PCDH17: variants seen among roughly 807,000 people sequenced by gnomAD.
PCDH17 encodes protocadherin 17.
In PCDH17, 21 loss-of-function variants were observed where a neutral mutation model predicts 67.7. The observed-to-expected ratio is 0.31, with a 90% CI of 0.22 to 0.45. The LOEUF (loss-of-function observed/expected upper bound fraction) is 0.45, where lower values mean the gene tolerates loss of function less well. Among genes scored for constraint, PCDH17 ranks in the 20% least tolerant of loss-of-function variants. PCDH17 has a pLI of 1.00. For synonymous variants in PCDH17, 701 were observed against 656.7 expected, an observed-to-expected ratio of 1.07 and a Z score of -1.03; for missense variants, 1,471 against 1,564.8, an observed-to-expected ratio of 0.94 and a Z score of 1.01.
At chr13:57,723,815 TAG>T (rs1227158967) in intron 3 of PCDH17, among the ~76,000 whole-genome samples, 4 of 152,176 alleles carry the variant, frequency 2.6e-5, no homozygotes, top group African/African-American at 7.2e-5. Context: ...ATGCTTTATT[TAG>T]AGTCTCTATT....
chr13:57,653,662 G>A (rs1955068886), intron 1 of PCDH17, among the ~76,000 whole-genome samples: 1 of 152,112 alleles, frequency 6.6e-6, no homozygotes, highest in Non-Finnish European at 1.5e-5. Flanking sequence ...TATAAAATAG[G>A]TGAGGAAGTA....
intron 3 of PCDH17, among the ~76,000 whole-genome samples, chr13:57,707,461 A>G (rs1209231787): frequency 6.6e-6 from 1 of 151,674 alleles, no homozygotes; most frequent in Non-Finnish European, 1.5e-5. Flanking sequence ...TTCCTTCAAT[A>G]GTATATTCAA....
chr13:57,644,447 A>G (rs1954940968), intron 1 of PCDH17, among the ~76,000 whole-genome samples: 1 of 151,572 alleles, frequency 6.6e-6, no homozygotes, highest in East Asian at 1.9e-4. Flanking sequence ...CAAGACAATT[A>G]CATAGTAATT....
At chr13:57,688,701 T>C (rs1288773286) in intron 3 of PCDH17, among the ~76,000 whole-genome samples, 1 of 152,072 alleles carries the variant, frequency 6.6e-6, no homozygotes, top group Non-Finnish European at 1.5e-5. Context: ...TTGTAATGAA[T>C]GTAAGATCAG....
chr13:57,709,446 T>C (rs1312425835), intron 3 of PCDH17, among the ~76,000 whole-genome samples: 1 of 151,790 alleles, frequency 6.6e-6, no homozygotes, highest in African/African-American at 2.4e-5. Context: ...ACTGTTTTCA[T>C]CTCATCTAAA....
At chr13:57,713,878 AC>A (rs551124324) in intron 3 of PCDH17, among the ~76,000 whole-genome samples, 8 of 151,590 alleles carry the variant, frequency 5.3e-5, no homozygotes, top group African/African-American at 1.4e-4. Flanking sequence ...CTTTAAAAAA[AC>A]CTTTTGTATT....
At chr13:57,656,405 A>G (rs927047923) in intron 1 of PCDH17, among the ~76,000 whole-genome samples, 1 of 152,142 alleles carries the variant, frequency 6.6e-6, no homozygotes, top group Non-Finnish European at 1.5e-5. Context: ...TGTATCTACC[A>G]TAAGACTCAG....
In PCDH17 at chr13:57,633,206, G is replaced by A; in HGVS notation, c.660G>A (p.Glu220=). 1.9e-6 allele frequency: 3 copies of A among 1,613,164 alleles called. No individual in the cohort carries two copies. The highest frequency in any genetic ancestry group is 2.5e-6 in the Non-Finnish European group (3 of 1,179,968). The change falls in exon 1 of 4, where the codon GAG becomes GAA. Residue 220 remains glutamate (E), a synonymous_variant. Coordinates refer to ENST00000377918, the MANE Select transcript of PCDH17 (RefSeq NM_001040429.3). The surrounding 1 kb of genome is among the most constrained non-coding windows in gnomAD (Gnocchi z 6.2). ...TGCTGACTGCCCTGGACGGTGGCGA[G>A]CCTCCACGTTCCGCCACCGTACAGA... The part of the protein sequence containing the change: ...TLVLTALDGG[E]PPRSATVQIN...
At position 57,724,722 on chromosome 13, in the gene PCDH17, C is replaced by T. The variant is rs570788884; in HGVS notation, c.2908C>T (p.Arg970Cys). 8 of 1,613,942 alleles carry T rather than the reference C, an allele frequency of 5.0e-6. No homozygotes were observed. The highest frequency in any genetic ancestry group is 3.3e-5 in the South Asian group (3 of 91,078). The change falls in exon 4 of 4, where the codon CGC becomes TGC. Residue 970 changes from arginine (R) to cysteine (C), a missense_variant. Coordinates refer to ENST00000377918, the MANE Select transcript of PCDH17 (RefSeq NM_001040429.3). ...AANQAENADY[R>C]TNLFVPTVEA... ...CAATCAGGCTGAAAATGCAGATTAC[C>T]GCACAAATCTCTTTGTACCTACAGT...
In PCDH17 at chr13:57,633,230, G is replaced by A. The variant is rs563825436; in HGVS notation, c.684G>A (p.Gln228=). The change falls in exon 1 of 4, where the codon CAG becomes CAA. Residue 228 remains glutamine, a synonymous_variant. Coordinates refer to ENST00000377918, the MANE Select transcript of PCDH17 (RefSeq NM_001040429.3). This position sits in a 1 kb window ranked among gnomAD's most constrained non-coding sequence, Gnocchi z 6.2. ...AGCCTCCACGTTCCGCCACCGTACA[G>A]ATCAACGTGAAGGTGATTGACTCCA... ...GGEPPRSATV[Q]INVKVIDSND... 3.7e-6 allele frequency: 6 copies of A among 1,613,376 alleles called. No individual in the cohort carries two copies. In the South Asian group the frequency reaches 6.6e-5, roughly 18 times the overall value.
intron 3 of PCDH17, among the ~76,000 whole-genome samples, chr13:57,704,981 C>A (rs1449390568): frequency 6.6e-6 from 1 of 151,878 alleles, no homozygotes; most frequent in Non-Finnish European, 1.5e-5. Flanking sequence ...TGTAGAATTT[C>A]TTTAGCATCC....
At chr13:57,678,883 C>T (rs1201358231) in intron 3 of PCDH17, among the ~76,000 whole-genome samples, 1 of 151,412 alleles carries the variant, frequency 6.6e-6, no homozygotes, top group Non-Finnish European at 1.5e-5. Context: ...GATATTTAGG[C>T]ATATAATTCT....
chr13:57,704,039 GA>G (rs1318514908), intron 3 of PCDH17, among the ~76,000 whole-genome samples: 1 of 151,970 alleles, frequency 6.6e-6, no homozygotes, highest in East Asian at 1.9e-4. Flanking sequence ...GAAAGTCACA[GA>G]AAAAAATTTA....
At chr13:57,666,551 T>G in intron 2 of PCDH17, 25 bp downstream of exon 2, 1 of 1,612,416 alleles carries the variant, frequency 6.2e-7, no homozygotes, top group South Asian at 1.1e-5. Flanking sequence ...ATAACTTTTC[T>G]CAGCTTCCCC....
chr13:57,666,649 T>C lies in PCDH17; in HGVS notation c.2625-12T>C, dbSNP rs558830627. 3 of 1,609,590 alleles carry C rather than the reference T, an allele frequency of 1.9e-6. No homozygotes were observed. The South Asian group carries it at 3.3e-5, about 18-fold the overall frequency. Reference sequence around the variant, plus strand: ...CAACACTTTCTCTTCTTTTTCTTTATATGTATTTCAGTAGCTCCACGTTTA... The same window carrying C: ...CAACACTTTCTCTTCTTTTTCTTTACATGTATTTCAGTAGCTCCACGTTTA... On this transcript the variant is annotated splice_polypyrimidine_tract_variant and intron_variant, in intron 2 of 3. Coordinates refer to ENST00000377918, the MANE Select transcript of PCDH17 (RefSeq NM_001040429.3).
chr13:57,698,928 G>GA (rs1006554409), intron 3 of PCDH17, among the ~76,000 whole-genome samples: 10 of 151,422 alleles, frequency 6.6e-5, no homozygotes, highest in African/African-American at 9.7e-5. Context: ...AGGAAAAGGA[G>GA]AAAAAAAACA....
Position 57,725,134 on chromosome 13 carries a change from C to G in PCDH17, c.3320C>G (p.Ala1107Gly), listed in dbSNP as rs748094193. The part of the protein sequence containing the change: ...ARVFADVHSR[A>G]SRDSSEMGAV... ...GTCTTTGCAGATGTGCATTCCAGAG[C>G]CAGCCGGGATTCCAGTGAGATGGGT... is the stretch of plus-strand genomic sequence containing the variant. The change falls in exon 4 of 4, where the codon GCC becomes GGC. Residue 1107 changes from alanine (A) to glycine (G), a missense_variant. Around this residue, in one of 3 missense-constraint regions of PCDH17, gnomAD observed 297 missense variants for 298.6 expected, o/e 0.99. Coordinates refer to ENST00000377918, the MANE Select transcript of PCDH17 (RefSeq NM_001040429.3). 8 of 1,614,036 alleles carry G rather than the reference C, an allele frequency of 5.0e-6. No individual in the cohort carries two copies. The highest frequency in any genetic ancestry group is 1.3e-5 in the African/African-American group (1 of 74,936).
Position 57,633,304 on chromosome 13 carries a change from C to T in PCDH17, c.758C>T (p.Pro253Leu). 6.2e-7 allele frequency: 1 copy of T among 1,613,280 alleles called. No individual in the cohort carries two copies. The highest frequency in any genetic ancestry group is 8.5e-7 in the Non-Finnish European group (1 of 1,180,012). ...GCGCCATCCTACTTGGTGGAACTGC[C>T]CGAGAACGCTCCGCTGGGTACAGTG... ...FEAPSYLVEL[P>L]ENAPLGTVVI... The change falls in exon 1 of 4, where the codon CCC becomes CTC. Residue 253 changes from proline to leucine, a missense_variant. By Grantham distance (98) the Pro-to-Leu change is moderately conservative (BLOSUM62 -3). Transcript: ENST00000377918. The surrounding 1 kb of genome is among the most constrained non-coding windows in gnomAD (Gnocchi z 6.2).
chr13:57,679,358 TA>T (rs1955425590), intron 3 of PCDH17, among the ~76,000 whole-genome samples: 1 of 55,214 alleles, frequency 1.8e-5, no homozygotes, highest in African/African-American at 1.4e-4. Flanking sequence ...TCAGACTGAA[TA>T]CAAAAAAAAA....
Sources: allele counts gnomAD v4.1 joint callset (sites outside exome capture counted in the v4.1 genomes callset), GRCh38; gene constraint gnomAD v4.1.1; regional missense constraint gnomAD v4.1.1; non-coding constraint Gnocchi (gnomAD v3.1); transcripts MANE v1.5; gene names NCBI Gene and HGNC (gene_info 2026-07-23, HGNC 2026-07-21).